The following SND1 variants were observed in gnomAD, a reference collection of about 807,000 sequenced individuals.
SND1 encodes staphylococcal nuclease domain-containing protein 1.
SND1 carries 38 observed loss-of-function variants against 121.7 expected under a neutral mutation model. That is an observed-to-expected ratio of 0.31 (90% CI 0.24 to 0.41). The LOEUF (loss-of-function observed/expected upper bound fraction) is 0.41, where lower values mean the gene tolerates loss of function less well. Among genes scored for constraint, SND1 ranks in the 10% least tolerant of loss-of-function variants. The pLI, the probability that SND1 is intolerant of heterozygous loss-of-function variation, is 1.00. For synonymous variants in SND1, 401 were observed against 447.4 expected (o/e 0.90, Z 1.31); for missense variants, 868 against 1,184.6 (o/e 0.73, Z 3.92).
At chr7:127,951,119 C>T (rs1291926650) in intron 15 of SND1, among the ~76,000 whole-genome samples, 2 of 152,216 alleles carry the variant, frequency 1.3e-5, no homozygotes, top group Non-Finnish European at 1.5e-5. Context: ...TTGCAGTCCC[C>T]TGTTCATTGC....
chr7:127,916,753 C>G (rs1800588077), intron 14 of SND1, among the ~76,000 whole-genome samples: 1 of 152,136 alleles, frequency 6.6e-6, no homozygotes, highest in Non-Finnish European at 1.5e-5. Context: ...GAAAACTATC[C>G]AGTGGACAGT....
intron 12 of SND1, among the ~76,000 whole-genome samples, chr7:127,845,363 A>G (rs1165636496): frequency 6.6e-6 from 1 of 152,206 alleles, no homozygotes; most frequent in Non-Finnish European, 1.5e-5. Context: ...TACCGATCCT[A>G]TATTTATTAA....
chr7:127,768,630 G>T (rs1178801860), intron 10 of SND1, among the ~76,000 whole-genome samples: 4 of 152,234 alleles, frequency 2.6e-5, no homozygotes, highest in Non-Finnish European at 1.5e-5. Flanking sequence ...TTTCCAGCTT[G>T]TATAGATGGT....
chr7:128,076,841 A>G (rs1793514763), intron 17 of SND1, among the ~76,000 whole-genome samples: 1 of 152,174 alleles, frequency 6.6e-6, no homozygotes, highest in South Asian at 2.1e-4. Context: ...GGGGAATCTG[A>G]GAATGCTGGT....
rs148978743 is a variant in SND1, at chr7:127,865,387, T to C, written c.1343+20963T>C. 7.9e-3 allele frequency among the ~76,000 whole-genome samples: 1,204 copies of C among 152,304 alleles called. 18 individuals are homozygous for C. The highest frequency in any genetic ancestry group is 0.027 in the African/African-American group (1,125 of 41,566). On this transcript the variant is annotated intron_variant, in intron 12 of 23. Coordinates refer to ENST00000354725, the MANE Select transcript of SND1 (RefSeq NM_014390.4). ...CATACAGTTTTTCTTCAAAGAAAGATGCCATACAGATGTCAAAAACATTGT... is the reference window on the plus strand; with the variant it reads ...CATACAGTTTTTCTTCAAAGAAAGACGCCATACAGATGTCAAAAACATTGT...
At chr7:127,683,606 A>G (rs1323693297) in intron 1 of SND1, among the ~76,000 whole-genome samples, 3 of 152,194 alleles carry the variant, frequency 2.0e-5, no homozygotes, top group Non-Finnish European at 4.4e-5. Flanking sequence ...TACTTCCATA[A>G]CTGTGTACAG....
At chr7:127,773,418 C>G (rs1348711388) in intron 10 of SND1, among the ~76,000 whole-genome samples, 1 of 150,602 alleles carries the variant, frequency 6.6e-6, no homozygotes, top group Non-Finnish European at 1.5e-5. Context: ...TGCCACTGCA[C>G]TCTAGCCTGG....
intron 4 of SND1, among the ~76,000 whole-genome samples, chr7:127,699,990 T>C (rs1207434697): frequency 6.6e-6 from 1 of 152,226 alleles, no homozygotes; most frequent in Non-Finnish European, 1.5e-5. Context: ...GACTCTATAA[T>C]TGGGGTGTGC....
chr7:127,656,469 C>T (rs1795211903), intron 1 of SND1, among the ~76,000 whole-genome samples: 2 of 151,878 alleles, frequency 1.3e-5, no homozygotes, highest in African/African-American at 2.4e-5. Flanking sequence ...ATTACAGGCG[C>T]GTGTCAGCAT....
At chr7:127,700,099 T>G (rs150349439) in intron 4 of SND1, among the ~76,000 whole-genome samples, 1 of 152,338 alleles carries the variant, frequency 6.6e-6, no homozygotes, top group East Asian at 1.9e-4. Flanking sequence ...GATTACCATT[T>G]CAGTATTTTG....
rs1355157588 is a variant in SND1, at chr7:127,892,621, T to G, written c.1454+4609T>G. On this transcript the variant is annotated intron_variant, in intron 13 of 23. Transcript: ENST00000354725. ...GCCTTCTGGCCTTCCTTTCCAGCTCTGTTGTCTATCATCAGCTGACCCCTG... is the reference window on the plus strand; with the variant it reads ...GCCTTCTGGCCTTCCTTTCCAGCTCGGTTGTCTATCATCAGCTGACCCCTG... Among the ~76,000 whole-genome samples, 3 of 152,154 alleles carry G rather than the reference T, an allele frequency of 2.0e-5. No individual in the cohort carries two copies. The East Asian group carries it at 5.8e-4, about 29-fold the overall frequency.
chr7:127,910,293 A>C (rs1288267356), intron 14 of SND1, among the ~76,000 whole-genome samples: 2 of 152,052 alleles, frequency 1.3e-5, no homozygotes, highest in African/African-American at 4.8e-5. Flanking sequence ...ATACCAAAAA[A>C]ATTAGCCAGG....
Position 127,929,343 on chromosome 7 carries a change from G to A in SND1, c.1669+14G>A. ...TCTTGCTTGCAGGTAAGTCTTATGT[G>A]TTACATGTTACTCTGAGCTCAGAAG... On this transcript the variant is annotated intron_variant, in intron 15 of 23. Transcript: ENST00000354725. 6.2e-7 allele frequency: 1 copy of A among 1,613,590 alleles called. No homozygotes were observed. Among genetic ancestry groups the A allele is most frequent in the Non-Finnish European group, 8.5e-7 (1 of 1,179,616 alleles).
intron 17 of SND1, 106 bp downstream of exon 17, chr7:128,074,796 T>A (rs1793478936): frequency 8.7e-7 from 1 of 1,149,196 alleles, no homozygotes; most frequent in Non-Finnish European, 1.2e-6. Flanking sequence ...CCCCACAGAG[T>A]AGCCCAGGAA....
At chr7:127,985,271 G>A (rs1691089215) in intron 15 of SND1, among the ~76,000 whole-genome samples, 1 of 152,182 alleles carries the variant, frequency 6.6e-6, no homozygotes, top group South Asian at 2.1e-4. Flanking sequence ...TCTGCCAATA[G>A]CTTCCTAGCC....
rs72233818 is a variant in SND1 at position 127,817,721 on chromosome 7, C to CTTT, written c.1242+10172_1242+10174dup. Among the ~76,000 whole-genome samples the CTTT allele has an allele frequency of 2.2e-3, 233 of 104,092 alleles. 11 individuals are homozygous for CTTT. The highest frequency in any genetic ancestry group is 7.7e-3 in the African/African-American group (212 of 27,440). The allele number at this position is 104,092 out of a possible 152,430, so 68.3% of individuals were successfully genotyped here. A position where few individuals can be genotyped will look rare whatever the true frequency, so the allele number is the denominator to read the frequency against. ...CATTTCACAACTTCTTTCCTTCATA[C>CTTT]TTTTTTTTTTTTTTTTTTTTTTTTT... On this transcript the variant is annotated intron_variant, in intron 11 of 23. Transcript: ENST00000354725.
intron 2 of SND1, among the ~76,000 whole-genome samples, chr7:127,690,421 C>CAGT (rs908419580): frequency 6.6e-6 from 1 of 152,228 alleles, no homozygotes; most frequent in African/African-American, 2.4e-5. Context: ...CCCCCTCCAT[C>CAGT]AGTAGTTCCT....
chr7:127,892,020 A>T (rs1220694025), intron 13 of SND1, among the ~76,000 whole-genome samples: 1 of 152,044 alleles, frequency 6.6e-6, no homozygotes. Flanking sequence ...GTTGATTCCA[A>T]CAGACTTCTT....
chr7:127,848,288 C>T (rs927564864), intron 12 of SND1, among the ~76,000 whole-genome samples: 1 of 152,144 alleles, frequency 6.6e-6, no homozygotes, highest in Non-Finnish European at 1.5e-5. Flanking sequence ...GCTTGTATTT[C>T]AATGATATTT....
Sources: gnomAD v4.1 joint callset for allele counts (sites outside exome capture counted in the v4.1 genomes callset) on GRCh38, gnomAD v4.1.1 for gene constraint, MANE v1.5 for transcripts, NCBI Gene and HGNC (gene_info 2026-07-23, HGNC 2026-07-21) for gene names.